The following FAM13B variants were observed in gnomAD, a reference collection of about 807,000 sequenced individuals.
FAM13B encodes the protein protein FAM13B.
In FAM13B, 60 loss-of-function variants were observed where a neutral mutation model predicts 117.3. The ratio of observed to expected loss-of-function variants is 0.51; its 90% CI spans 0.42 to 0.63. The LOEUF (loss-of-function observed/expected upper bound fraction) is 0.63. FAM13B is among the 30% of genes least tolerant of loss of function. FAM13B has a pLI of 0.00. For missense variants in FAM13B, 972 were observed against 1,091.9 expected (o/e 0.89, Z 1.55); for synonymous variants, 332 against 356.1 (o/e 0.93, Z 0.76).
At chr5:138,010,676 G>C (rs1783748101) in intron 6 of FAM13B, among the ~76,000 whole-genome samples, 1 of 151,908 alleles carries the variant, frequency 6.6e-6, no homozygotes, top group African/African-American at 2.4e-5. Flanking sequence ...CTCACCCCTT[G>C]CCTATATTCC....
chr5:138,027,589 T>C lies in FAM13B; in HGVS notation c.-203+5193A>G, dbSNP rs184208120. ...ATATGCTAACTTAGTGGTTCCCTCCTGGCCTGAGAAACTGACCAAAGCATA... is the reference window on the plus strand; with the variant it reads ...ATATGCTAACTTAGTGGTTCCCTCCCGGCCTGAGAAACTGACCAAAGCATA... On this transcript the variant is annotated intron_variant, in intron 1 of 23. Transcript: ENST00000689681. 1.2e-3 allele frequency among the ~76,000 whole-genome samples: 186 copies of C among 152,330 alleles called. 3 individuals carry two copies. The highest frequency in any genetic ancestry group is 0.01 in the Middle Eastern group (3 of 294).
chr5:138,013,841 T>A (rs911093017), intron 4 of FAM13B, among the ~76,000 whole-genome samples: 1 of 152,226 alleles, frequency 6.6e-6, no homozygotes, highest in Non-Finnish European at 1.5e-5. Context: ...TCTCCAGCTC[T>A]GTGGCACTTA....
At chr5:137,969,379 A>G (rs1433279616) in intron 10 of FAM13B, among the ~76,000 whole-genome samples, 3 of 152,166 alleles carry the variant, frequency 2.0e-5, no homozygotes, top group Admixed American at 6.5e-5. Flanking sequence ...GGGTGCTCCA[A>G]CAGACCTGCA....
chr5:137,973,046 T>C (rs1319073161), intron 10 of FAM13B, among the ~76,000 whole-genome samples: 1 of 152,104 alleles, frequency 6.6e-6, no homozygotes, highest in African/African-American at 2.4e-5. Context: ...AGGTAATTTA[T>C]AGATTCAATG....
At chr5:138,021,280 T>G (rs1014246012) in intron 1 of FAM13B, 83 bp from the exon 2 acceptor site, 3 of 1,040,904 alleles carry the variant, frequency 2.9e-6, no homozygotes, top group African/African-American at 1.6e-5. Flanking sequence ...AGTACAGTCC[T>G]CTTAAGAGGT....
At position 137,959,750 on chromosome 5, in the gene FAM13B, T is replaced by C. The variant is rs1655615672; in HGVS notation, c.1307A>G (p.Lys436Arg). The C allele has an allele frequency of 6.2e-6, 10 of 1,613,560 alleles. No individual in the cohort carries two copies. The highest frequency in any genetic ancestry group is 8.5e-6 in the Non-Finnish European group (10 of 1,179,746). ...AGTGTTGGCATTCAAATCACATATC[T>C]TGCTACTAGAATCCTGTATTTTAAA... ...LSHLILDSSS[K>R]ICDLNANTES... The change falls in exon 13 of 24, where the codon AAG (lysine) becomes AGG (arginine). Residue 436 changes from lysine to arginine, a missense_variant. By Grantham distance (26) the Lys-to-Arg change is conservative. Transcript: ENST00000689681.
intron 1 of FAM13B, among the ~76,000 whole-genome samples, chr5:138,047,348 A>G (rs1382959133): frequency 6.6e-6 from 1 of 151,850 alleles, no homozygotes; most frequent in Non-Finnish European, 1.5e-5. Flanking sequence ...CTACTAAAAA[A>G]AAAAAAAATT....
chr5:138,037,865 A>G (rs910989810), upstream of FAM13B, among the ~76,000 whole-genome samples: 12 of 152,232 alleles, frequency 7.9e-5, no homozygotes, highest in African/African-American at 2.2e-4. Flanking sequence ...AGTAAAATAG[A>G]TAAAACAAAC....
chr5:137,989,902 A>G (rs1486395857), intron 7 of FAM13B, among the ~76,000 whole-genome samples: 1 of 151,962 alleles, frequency 6.6e-6, no homozygotes, highest in African/African-American at 2.4e-5. Context: ...GGGGGAAAAA[A>G]CCCCAAAACA....
intron 1 of FAM13B, chr5:138,040,110 C>T (rs1791438789): frequency 6.6e-6 from 1 of 150,648 alleles, no homozygotes; most frequent in Non-Finnish European, 1.5e-5. Context: ...ACTAAAAATA[C>T]AAAGTTAGCT....
chr5:137,982,979 G>T (rs939004959), intron 10 of FAM13B, among the ~76,000 whole-genome samples: 1 of 151,980 alleles, frequency 6.6e-6, no homozygotes, highest in Non-Finnish European at 1.5e-5. Context: ...TCCAAAACAG[G>T]TCTGGACTCG....
chr5:138,023,835 C>T (rs1421114533), intron 1 of FAM13B, among the ~76,000 whole-genome samples: 1 of 152,204 alleles, frequency 6.6e-6, no homozygotes, highest in Non-Finnish European at 1.5e-5. Flanking sequence ...CCTGGGATTA[C>T]AGGCATGATC....
At chr5:137,962,923 T>G (rs983157873) in intron 10 of FAM13B, among the ~76,000 whole-genome samples, 3 of 152,124 alleles carry the variant, frequency 2.0e-5, no homozygotes, top group African/African-American at 7.2e-5. Context: ...AGTCCCCACA[T>G]GAGAAAACTC....
chr5:137,954,062 A>C, intron 15 of FAM13B, 104 bp downstream of exon 15: 2 of 196,282 alleles, frequency 1.0e-5, no homozygotes. Flanking sequence ...TTTTTTTTTG[A>C]GATGGAGTTT....
intron 14 of FAM13B, among the ~76,000 whole-genome samples, chr5:137,954,863 C>G (rs2150234526): frequency 6.6e-6 from 1 of 152,170 alleles, no homozygotes; most frequent in South Asian, 2.1e-4. Flanking sequence ...CTCAAGTGAT[C>G]CTCCCATCTC....
intron 7 of FAM13B, among the ~76,000 whole-genome samples, chr5:138,006,139 T>C (rs1965910): frequency 0.74 from 112,092 of 151,912 alleles, 42,017 homozygotes; most frequent in East Asian, 0.97. Flanking sequence ...CCTCATGATC[T>C]GCCCGTCTCG....
chr5:137,942,443 C>T lies in FAM13B; in HGVS notation c.2589-398G>A, dbSNP rs139517866. 276 of 216,808 alleles carry T rather than the reference C, an allele frequency of 1.3e-3. 4 individuals are homozygous for T. The Middle Eastern group carries it at 0.021, about 16-fold the overall frequency. 13.4% of individuals were successfully genotyped at this position (216,808 alleles called of 1,614,324 possible). A position where few individuals can be genotyped will look rare whatever the true frequency, so the allele number is the denominator to read the frequency against. On this transcript the variant is annotated intron_variant, in intron 22 of 23. Transcript: ENST00000689681. ...AGCGGTGCGACAGTGGCCTCAACAT[C>T]CTCCAAACAGAGAATCAAGTGATCC...
At chr5:137,945,867 A>C (rs1763271268) in intron 20 of FAM13B, 35 bp downstream of exon 20, 2 of 1,508,714 alleles carry the variant, frequency 1.3e-6, no homozygotes, top group Non-Finnish European at 1.8e-6. Flanking sequence ...CATCTTGATA[A>C]AATGAACCAG....
intron 1 of FAM13B, among the ~76,000 whole-genome samples, chr5:138,022,664 T>C (rs1787076402): frequency 6.6e-6 from 1 of 152,144 alleles, no homozygotes; most frequent in African/African-American, 2.4e-5. Flanking sequence ...TTAACAGACT[T>C]ACACTAAAAG....
Sources: gnomAD v4.1 joint callset for allele counts (sites outside exome capture counted in the v4.1 genomes callset) on GRCh38, gnomAD v4.1.1 for gene constraint, MANE v1.5 for transcripts, NCBI Gene and HGNC (gene_info 2026-07-23, HGNC 2026-07-21) for gene names.